The following STXBP6 variants were observed in gnomAD, a reference collection of about 807,000 sequenced individuals.
STXBP6 encodes syntaxin binding protein 6.
STXBP6 carries 21 observed loss-of-function variants against 26.9 expected under a neutral mutation model. The observed-to-expected ratio is 0.78, with a 90% CI of 0.55 to 1.12. STXBP6 has a LOEUF of 1.12. Ranked by LOEUF, STXBP6 falls within the 50% of genes most tolerant of loss-of-function variation. The pLI, the probability that STXBP6 is intolerant of heterozygous loss-of-function variation, is 0.00. For synonymous variants in STXBP6, 97 were observed against 92.6 expected, an observed-to-expected ratio of 1.05 and a Z score of -0.27; for missense variants, 232 against 257.9, an observed-to-expected ratio of 0.90 and a Z score of 0.69.
intron 5 of STXBP6, chr14:24,816,806 ATCT>A (rs2138702611): frequency 6.6e-6 from 1 of 152,136 alleles, no homozygotes; most frequent in East Asian, 1.9e-4. Context: ...GAGGCACAAA[ATCT>A]TCTCCTCCAT....
chr14:25,038,724 C>T lies in STXBP6; in HGVS notation c.-33+11154G>A, dbSNP rs113852109. ...TAACTATTGGGCACTAGGCTTAGTA[C>T]GTGGACGACAAAATAATCTGTACAA... is the stretch of plus-strand genomic sequence containing the variant. On this transcript the variant is annotated intron_variant, in intron 1 of 5. Coordinates refer to ENST00000323944, the MANE Select transcript of STXBP6 (RefSeq NM_001394410.1). Among the ~76,000 whole-genome samples, 835 of 152,056 alleles carry T rather than the reference C, an allele frequency of 5.5e-3. 3 individuals carry two copies. Among genetic ancestry groups the T allele is most frequent in the Non-Finnish European group, 9.8e-3 (666 of 67,988 alleles).
chr14:24,820,792 T>C (rs541943456), intron 4 of STXBP6, among the ~76,000 whole-genome samples: 1 of 152,318 alleles, frequency 6.6e-6, no homozygotes, highest in South Asian at 2.1e-4. Flanking sequence ...TTAAGAGGCT[T>C]GCACAATACC....
At chr14:24,924,051 T>C (rs1476103288) in intron 2 of STXBP6, among the ~76,000 whole-genome samples, 2 of 152,182 alleles carry the variant, frequency 1.3e-5, no homozygotes, top group East Asian at 3.9e-4. Context: ...TTTTTCTTTT[T>C]TACATTTAGC....
intron 2 of STXBP6, among the ~76,000 whole-genome samples, chr14:24,921,704 T>G (rs1276219254): frequency 6.6e-6 from 1 of 152,102 alleles, no homozygotes; most frequent in Non-Finnish European, 1.5e-5. Context: ...GTCCCAGTAT[T>G]GGGAAAGTCA....
Position 24,812,734 on chromosome 14 carries a change from T to G in STXBP6, c.610-2A>C. On this transcript the variant is annotated splice_acceptor_variant, in intron 5 of 5. Transcript: ENST00000323944. LOFTEE classifies it high-confidence loss of function. ...TCAACATTTGTGCTTCATGGCAAGCTAAGGAGAGAGAGGAATGAGAAAAGT... is the reference window on the plus strand; with the variant it reads ...TCAACATTTGTGCTTCATGGCAAGCGAAGGAGAGAGAGGAATGAGAAAAGT... 1 of 1,613,720 alleles carries G rather than the reference T, an allele frequency of 6.2e-7. No individual in the cohort carries two copies. The highest frequency in any genetic ancestry group is 1.1e-5 in the South Asian group (1 of 91,060).
chr14:24,912,145 A>G (rs1327571663), intron 2 of STXBP6, among the ~76,000 whole-genome samples: 5 of 152,172 alleles, frequency 3.3e-5, no homozygotes, highest in African/African-American at 7.2e-5. Context: ...CTATTTTTCT[A>G]TGTACCCAAT....
intron 2 of STXBP6, among the ~76,000 whole-genome samples, chr14:24,892,832 G>T (rs1449515954): frequency 6.6e-6 from 1 of 152,238 alleles, no homozygotes; most frequent in Non-Finnish European, 1.5e-5. Context: ...AGGAGCAGGG[G>T]CTTGGGCAGA....
At position 24,811,660 on chromosome 14, in the gene STXBP6, T is replaced by C. The variant is rs958358732; in HGVS notation, c.*1049A>G. ...GCAATTTGTCAAGAAACTCACATAT[T>C]AAATTACATTAAATAAATAGATAGC... On this transcript the variant is annotated 3_prime_UTR_variant, in exon 6 of 6. Transcript: ENST00000323944. The C allele has an allele frequency of 2.6e-5, 4 of 152,162 alleles. No homozygotes were observed. The highest frequency in any genetic ancestry group is 5.9e-5 in the Non-Finnish European group (4 of 68,032). The allele number at this position is 152,162 out of a possible 1,614,324, so 9.4% of individuals were successfully genotyped here.
At position 24,976,852 on chromosome 14, in the gene STXBP6, CTTTTTTTTTT is replaced by C. The variant is rs71121808; in HGVS notation, c.-32-2012_-32-2003del. On this transcript the variant is annotated intron_variant, in intron 1 of 5. Transcript: ENST00000323944. ...CAAAGTCCTGAGCTGACTGGGCGCT[CTTTTTTTTTT>C]TTTTTTTTTTTTTTTTTTGAGGCAG... Among the ~76,000 whole-genome samples the C allele has an allele frequency of 5.8e-3, 264 of 45,280 alleles. 3 individuals carry two copies. The highest frequency in any genetic ancestry group is 0.021 in the African/African-American group (184 of 8,904). The allele number at this position is 45,280 out of a possible 152,430, so 29.7% of individuals were successfully genotyped here. A position where few individuals can be genotyped will look rare whatever the true frequency, so the allele number is the denominator to read the frequency against.
At chr14:24,911,261 C>T (rs565052561) in intron 2 of STXBP6, among the ~76,000 whole-genome samples, 31 of 151,960 alleles carry the variant, frequency 2.0e-4, no homozygotes, top group African/African-American at 5.1e-4. Flanking sequence ...CATTTGAGCC[C>T]GGGAGGTCAA....
At chr14:24,972,414 A>C (rs573897051) in intron 2 of STXBP6, among the ~76,000 whole-genome samples, 2 of 152,206 alleles carry the variant, frequency 1.3e-5, no homozygotes, top group African/African-American at 2.4e-5. Context: ...CATGATCAAA[A>C]TTAGGCAGAC....
chr14:24,837,017 C>T (rs2068639550), intron 4 of STXBP6, among the ~76,000 whole-genome samples: 1 of 152,186 alleles, frequency 6.6e-6, no homozygotes, highest in Admixed American at 6.5e-5. Context: ...TATTTTAATT[C>T]ATATGTTAGG....
intron 1 of STXBP6, among the ~76,000 whole-genome samples, chr14:24,977,127 G>A (rs570304566): frequency 8.1e-5 from 12 of 148,806 alleles, no homozygotes; most frequent in African/African-American, 2.0e-4. Flanking sequence ...GCCTCCCTAC[G>A]TGCTGGGATT....
rs1026157887 is a variant in STXBP6 at position 25,049,485 on chromosome 14, C to G, written c.-33+393G>C. ...GAGGCGCAGCGACCCCGAGCTCCCC[C>G]ACACTGGGAGCCTCGGGGCAGCATT... On this transcript the variant is annotated intron_variant, in intron 1 of 5. Coordinates refer to ENST00000323944, the MANE Select transcript of STXBP6 (RefSeq NM_001394410.1). The surrounding 1 kb of genome is among the most constrained non-coding windows in gnomAD (Gnocchi z 5.6). The G allele has an allele frequency of 3.9e-5, 38 of 985,388 alleles. No homozygotes were observed. The highest frequency in any genetic ancestry group is 3.8e-4 in the South Asian group (8 of 21,288). 61.0% of individuals were successfully genotyped at this position (985,388 alleles called of 1,614,324 possible).
At chr14:25,043,343 C>T (rs373442181) in intron 1 of STXBP6, among the ~76,000 whole-genome samples, 2 of 152,066 alleles carry the variant, frequency 1.3e-5, no homozygotes, top group East Asian at 1.9e-4. Context: ...AAAATTTAAC[C>T]TGAAACTGAA....
intron 2 of STXBP6, among the ~76,000 whole-genome samples, chr14:24,943,303 C>T (rs2072870205): frequency 6.6e-6 from 1 of 152,224 alleles, no homozygotes; most frequent in African/African-American, 2.4e-5. Flanking sequence ...GCAAGTGTGG[C>T]CCTGCAGGTG....
intron 2 of STXBP6, among the ~76,000 whole-genome samples, chr14:24,901,808 C>CACAA (rs147298701): frequency 6.8e-5 from 6 of 87,960 alleles, no homozygotes. Flanking sequence ...CAAGAACAGG[C>CACAA]ATAACTATGG....
At chr14:25,010,428 T>C (rs561347778) in intron 1 of STXBP6, 176 of 152,372 alleles carry the variant, frequency 1.2e-3, no homozygotes, top group African/African-American at 4.0e-3. Context: ...TGAATTCCAA[T>C]TGCCTGAGGC....
At chr14:24,906,911 G>A (rs2071403203) in intron 2 of STXBP6, among the ~76,000 whole-genome samples, 1 of 151,956 alleles carries the variant, frequency 6.6e-6, no homozygotes, top group Admixed American at 6.6e-5. Flanking sequence ...TAAAAAACAA[G>A]TTTAGAAATA....
Sources: allele counts gnomAD v4.1 joint callset (sites outside exome capture counted in the v4.1 genomes callset), GRCh38; gene constraint gnomAD v4.1.1; non-coding constraint Gnocchi (gnomAD v3.1); transcripts MANE v1.5; gene names NCBI Gene and HGNC (gene_info 2026-07-23, HGNC 2026-07-21).